The following PTPRT variants were observed in gnomAD, a reference collection of about 807,000 sequenced individuals.
PTPRT encodes the protein protein tyrosine phosphatase receptor type T, also known as receptor-type tyrosine-protein phosphatase T.
PTPRT carries 56 observed loss-of-function variants against 176.8 expected under a neutral mutation model. The observed-to-expected ratio is 0.32, with a 90% CI of 0.26 to 0.40. PTPRT has a LOEUF of 0.40. Among genes scored for constraint, PTPRT ranks in the 10% least tolerant of loss-of-function variants. The probability of loss-of-function intolerance (pLI) is 1.00; values close to 1 mark genes in which losing one functional copy is unlikely to be tolerated. For missense variants in PTPRT, 1,540 were observed against 1,908.2 expected (o/e 0.81, Z 3.60); for synonymous variants, 783 against 739.0 (o/e 1.06, Z -0.96).
At chr20:43,117,971 T>C (rs1240296044) in intron 1 of PTPRT, among the ~76,000 whole-genome samples, 1 of 152,216 alleles carries the variant, frequency 6.6e-6, no homozygotes, top group East Asian at 1.9e-4. Flanking sequence ...CTTGGGTCTA[T>C]CCTCTTTCAT....
chr20:42,350,002 C>A (rs1394403699), intron 11 of PTPRT, among the ~76,000 whole-genome samples: 1 of 152,140 alleles, frequency 6.6e-6, no homozygotes, highest in Non-Finnish European at 1.5e-5. Flanking sequence ...GGACCAGTCC[C>A]CAGGTCTTGT....
intron 7 of PTPRT, among the ~76,000 whole-genome samples, chr20:42,654,078 AG>A (rs1266133990): frequency 6.6e-6 from 1 of 152,174 alleles, no homozygotes; most frequent in African/African-American, 2.4e-5. Flanking sequence ...AAGCTCTTGC[AG>A]GGCTTCAAAT....
rs141278923 is a variant in PTPRT at position 42,627,511 on chromosome 20, A to G, written c.1153+50355T>C. Among the ~76,000 whole-genome samples, 385 of 152,114 alleles carry G rather than the reference A, an allele frequency of 2.5e-3. 4 individuals are homozygous for G. Among genetic ancestry groups the G allele is most frequent in the African/African-American group, 8.8e-3 (364 of 41,472 alleles). ...GGTCTTGAACTCCTGGCATCAAGCA[A>G]TCTTTCTGCCTTGGCCTCCCAAAGC... is the stretch of plus-strand genomic sequence containing the variant. On this transcript the variant is annotated intron_variant, in intron 7 of 30. Transcript: ENST00000373187.
intron 1 of PTPRT, among the ~76,000 whole-genome samples, chr20:42,939,206 T>C (rs749816819): frequency 2.0e-5 from 3 of 152,220 alleles, no homozygotes; most frequent in Non-Finnish European, 4.4e-5. Context: ...AAACATTTCG[T>C]CAATTTCAAT....
At chr20:42,377,546 G>C (rs1039911370) in intron 9 of PTPRT, among the ~76,000 whole-genome samples, 1 of 152,206 alleles carries the variant, frequency 6.6e-6, no homozygotes, top group East Asian at 1.9e-4. Context: ...TTCTGATGCT[G>C]TTGTTAATTG....
intron 2 of PTPRT, among the ~76,000 whole-genome samples, chr20:42,825,760 T>C (rs1396884834): frequency 6.6e-6 from 1 of 152,078 alleles, no homozygotes; most frequent in Non-Finnish European, 1.5e-5. Context: ...AATTGAGAGA[T>C]GCAAACATTT....
intron 9 of PTPRT, among the ~76,000 whole-genome samples, chr20:42,396,111 G>A (rs77498071): frequency 0.068 from 10,351 of 152,122 alleles, 437 homozygotes; most frequent in African/African-American, 0.12. Context: ...CTTAACAGAT[G>A]CCAAACCTAA....
intron 1 of PTPRT, among the ~76,000 whole-genome samples, chr20:42,955,978 C>T (rs1981607824): frequency 6.6e-6 from 1 of 152,140 alleles, no homozygotes; most frequent in African/African-American, 2.4e-5. Context: ...AAGCCCTTGG[C>T]CTTAGCGCAT....
rs548436517 is a variant in PTPRT, at chr20:42,579,716, G to A, written c.1153+98150C>T. ...CTGCAAAAATGTCTTCTTTTAAGAA[G>A]TGTCTGTTCATATCGTTTGCCCACT... On this transcript the variant is annotated intron_variant, in intron 7 of 30. Transcript: ENST00000373187. Among the ~76,000 whole-genome samples the A allele has an allele frequency of 2.6e-5, 4 of 152,294 alleles. No individual in the cohort carries two copies. The South Asian group carries it at 8.3e-4, about 32-fold the overall frequency.
intron 13 of PTPRT, among the ~76,000 whole-genome samples, chr20:42,266,978 T>A (rs1195882588): frequency 6.6e-6 from 1 of 152,208 alleles, no homozygotes; most frequent in East Asian, 1.9e-4. Flanking sequence ...GTAAAATATC[T>A]TTCATCTGTT....
chr20:42,394,113 T>C (rs1362975847), intron 9 of PTPRT, among the ~76,000 whole-genome samples: 1 of 151,936 alleles, frequency 6.6e-6, no homozygotes, highest in Non-Finnish European at 1.5e-5. Context: ...TGTATCTTCC[T>C]TAGCAGAAGA....
At chr20:42,574,821 T>C (rs1021674856) in intron 7 of PTPRT, among the ~76,000 whole-genome samples, 2 of 152,150 alleles carry the variant, frequency 1.3e-5, no homozygotes, top group African/African-American at 4.8e-5. Flanking sequence ...CCCCTTGCTG[T>C]TCTCATGATA....
intron 1 of PTPRT, among the ~76,000 whole-genome samples, chr20:42,899,950 G>C (rs138905617): frequency 2.0e-5 from 3 of 152,298 alleles, no homozygotes; most frequent in Non-Finnish European, 4.4e-5. Context: ...GCTATGCACC[G>C]TGCTAGTCCA....
Position 42,104,707 on chromosome 20 carries a change from C to T in PTPRT, c.3402G>A (p.Val1134=). The stretch of plus-strand genomic sequence containing the variant: ...CTTCCAGGATGGCATCGTGCACAAA[C>T]ACATATTGCTCCTGCAAAGTCAGAA... ...VNLVQTEEQY[V]FVHDAILEAC... is the part of the protein sequence containing the mutation. Residue 1134 remains valine, a synonymous_variant, in exon 25 of 31, where the codon GTG becomes GTA. Transcript: ENST00000373187. 1 of 1,582,350 alleles carries T rather than the reference C, an allele frequency of 6.3e-7. No individual in the cohort carries two copies. The highest frequency in any genetic ancestry group is 8.7e-7 in the Non-Finnish European group (1 of 1,150,996).
intron 9 of PTPRT, among the ~76,000 whole-genome samples, chr20:42,410,736 T>C (rs1488793666): frequency 6.6e-6 from 1 of 152,122 alleles, no homozygotes; most frequent in Non-Finnish European, 1.5e-5. Context: ...TTTCTGACTA[T>C]AGTAGATTTA....
intron 1 of PTPRT, among the ~76,000 whole-genome samples, chr20:43,016,127 C>T (rs1985357167): frequency 1.3e-5 from 2 of 152,062 alleles, no homozygotes; most frequent in Non-Finnish European, 2.9e-5. Flanking sequence ...CCAAGGGGGT[C>T]TACAGATCAC....
chr20:43,093,379 C>T (rs962794684), intron 1 of PTPRT, among the ~76,000 whole-genome samples: 3 of 152,200 alleles, frequency 2.0e-5, no homozygotes, highest in Non-Finnish European at 4.4e-5. Flanking sequence ...TTTAGTTGTA[C>T]GTTGGACTGT....
At chr20:42,181,527 A>G (rs73260986) in intron 16 of PTPRT, among the ~76,000 whole-genome samples, 4,997 of 152,232 alleles carry the variant, frequency 0.033, 270 homozygotes, top group African/African-American at 0.11. Flanking sequence ...TCCTCCCTCA[A>G]CCTTCCTCTA....
At position 42,960,651 on chromosome 20, in the gene PTPRT, T is replaced by C. The variant is rs372206021; in HGVS notation, c.89-74719A>G. ...GTCACTGTTTCCTCTCCCCCCAGTA[T>C]TGGGATCACACTAGGTACATGCACA... On this transcript the variant is annotated intron_variant, in intron 1 of 30. Transcript: ENST00000373187. 3.3e-5 allele frequency among the ~76,000 whole-genome samples: 5 copies of C among 152,244 alleles called. No individual in the cohort carries two copies. In the East Asian group the frequency reaches 9.7e-4, roughly 29 times the overall value.
Sources: gnomAD v4.1 joint callset for allele counts (sites outside exome capture counted in the v4.1 genomes callset) on GRCh38, gnomAD v4.1.1 for gene constraint, MANE v1.5 for transcripts, NCBI Gene and HGNC (gene_info 2026-07-23, HGNC 2026-07-21) for gene names.